DPH5: variants seen among roughly 807,000 people sequenced by gnomAD.
DPH5 encodes diphthamide biosynthesis 5, also known as diphthine methyl ester synthase.
Under a neutral mutation model 31.6 loss-of-function variants are expected in DPH5, and 31 were observed. The ratio of observed to expected loss-of-function variants is 0.98; its 90% CI spans 0.74 to 1.32. The LOEUF is 1.32. DPH5 is among the 40% of genes most tolerant of loss of function. DPH5 has a pLI of 0.00. For missense variants in DPH5, 309 were observed against 335.7 expected (o/e 0.92, Z 0.62); for synonymous variants, 120 against 115.0 (o/e 1.04, Z -0.28).
chr1:100,993,884 G>A (rs1409893316), intron 6 of DPH5, among the ~76,000 whole-genome samples: 1 of 151,538 alleles, frequency 6.6e-6, no homozygotes, highest in Admixed American at 6.6e-5. Flanking sequence ...GGGATTACAG[G>A]TGCCTGCCAC....
chr1:100,993,324 G>A (rs1415692455), intron 6 of DPH5, among the ~76,000 whole-genome samples: 1 of 151,518 alleles, frequency 6.6e-6, no homozygotes, highest in African/African-American at 2.4e-5. Context: ...AGGCAGAGGC[G>A]GGTGGATCAC....
intron 2 of DPH5, among the ~76,000 whole-genome samples, chr1:101,023,762 G>A (rs1274917634): frequency 6.6e-6 from 1 of 152,120 alleles, no homozygotes; most frequent in African/African-American, 2.4e-5. Context: ...GAACAGTTTT[G>A]TGCCATATAC....
At chr1:101,024,817 G>A (rs1570716815) in intron 2 of DPH5, among the ~76,000 whole-genome samples, 1 of 152,304 alleles carries the variant, frequency 6.6e-6, no homozygotes, top group South Asian at 2.1e-4. Flanking sequence ...AAGTGTATCA[G>A]TATAAGCCTT....
chr1:101,024,175 G>A (rs1333329466), intron 2 of DPH5, among the ~76,000 whole-genome samples: 3 of 152,190 alleles, frequency 2.0e-5, no homozygotes, highest in Admixed American at 1.3e-4. Context: ...TTAGGAGGCC[G>A]AGGTGGGCAG....
chr1:100,991,170 G>A (rs1657659071), intron 7 of DPH5, among the ~76,000 whole-genome samples: 1 of 152,190 alleles, frequency 6.6e-6, no homozygotes, highest in African/African-American at 2.4e-5. Flanking sequence ...GTAGATATGA[G>A]ACTAGTAGAC....
Position 100,992,695 on chromosome 1 carries a change from T to G in DPH5, c.576A>C (p.Gln192His). The G allele has an allele frequency of 6.2e-7, 1 of 1,613,990 alleles. No homozygotes were observed. Among genetic ancestry groups the G allele is most frequent in the Admixed American group, 1.7e-5 (1 of 60,022 alleles). Residue 192 changes from glutamine (Q) to histidine (H), a missense_variant, in exon 7 of 8, where the codon CAA (glutamine) becomes CAC (histidine). Physicochemically the swap from Gln to His is conservative, Grantham distance 24. Coordinates refer to ENST00000370109, the MANE Select transcript of DPH5 (RefSeq NM_015958.3). ...YEPPRYMSVN[Q>H]AAQQLLEIVQ... The stretch of plus-strand genomic sequence containing the variant: ...CAATCTCCAGAAGCTGCTGGGCTGC[T>G]TGGTTTACACTCATATACCGTGGAG...
chr1:101,013,506 T>G (rs901570902), intron 4 of DPH5: 8 of 403,736 alleles, frequency 2.0e-5, no homozygotes, highest in African/African-American at 6.1e-5. Context: ...TAGCTAAATC[T>G]AAACATTCGA....
intron 5 of DPH5, among the ~76,000 whole-genome samples, chr1:101,000,139 T>C (rs1658742549): frequency 6.6e-6 from 1 of 152,006 alleles, no homozygotes. Context: ...AGATTGAGAC[T>C]CTGTCTTGAA....
intron 6 of DPH5, among the ~76,000 whole-genome samples, chr1:100,994,540 CTTTT>C (rs869229716): frequency 2.1e-5 from 3 of 142,518 alleles, no homozygotes; most frequent in African/African-American, 5.1e-5. Context: ...AAACCCATGC[CTTTT>C]TTTTTTTTTT....
chr1:101,001,647 G>C, intron 4 of DPH5, 60 bp from the exon 5 acceptor site: 2 of 1,301,864 alleles, frequency 1.5e-6, no homozygotes, highest in South Asian at 2.8e-5. Context: ...TAGATAAGGA[G>C]AGAATTTAAT....
Position 100,990,060 on chromosome 1 carries a change from G to A in DPH5, c.*348C>T, listed in dbSNP as rs1657527566. ...CTGCTATGAAGAAATACCCGAGACT[G>A]GGTAATTATAAAAGAGGTTTAATTT... On this transcript the variant is annotated 3_prime_UTR_variant, in exon 8 of 8. Coordinates refer to ENST00000370109, the MANE Select transcript of DPH5 (RefSeq NM_015958.3). 7.4e-6 allele frequency: 2 copies of A among 271,106 alleles called. No homozygotes were observed. The highest frequency in any genetic ancestry group is 9.9e-5 in the Admixed American group (2 of 20,140). The allele number at this position is 271,106 out of a possible 1,614,324, so 16.8% of individuals were successfully genotyped here. A position where few individuals can be genotyped will look rare whatever the true frequency, so the allele number is the denominator to read the frequency against.
Position 101,001,550 on chromosome 1 carries a change from C to CA in DPH5, c.406dup (p.Trp136LeufsTer12). 1 of 1,602,566 alleles carries CA rather than the reference C, an allele frequency of 6.2e-7. No individual in the cohort carries two copies. Among genetic ancestry groups the CA allele is most frequent in the Non-Finnish European group, 8.5e-7 (1 of 1,171,234 alleles). On this transcript the variant is annotated frameshift_variant, in exon 5 of 8. Transcript: ENST00000370109. LOFTEE classifies it high-confidence loss of function. The stretch of plus-strand genomic sequence containing the variant: ...GCTTTCTGGTCTCCAAGTGTCTGTC[C>CA]AAAAAACAATAGAAACTGTCTCTCC...
chr1:100,997,648 A>G (rs905856364), intron 5 of DPH5, among the ~76,000 whole-genome samples: 1 of 152,164 alleles, frequency 6.6e-6, no homozygotes, highest in Non-Finnish European at 1.5e-5. Context: ...TACAGGCGTG[A>G]GCCACCGCAC....
chr1:101,018,531 C>T (rs762306808), intron 3 of DPH5, among the ~76,000 whole-genome samples: 39 of 152,274 alleles, frequency 2.6e-4, no homozygotes, highest in Admixed American at 9.8e-4. Context: ...TGAGCCACTG[C>T]GCCGGCTGGT....
intron 4 of DPH5, among the ~76,000 whole-genome samples, chr1:101,003,909 A>G (rs1021486631): frequency 6.6e-6 from 1 of 152,194 alleles, no homozygotes; most frequent in Non-Finnish European, 1.5e-5. Flanking sequence ...CTTCAAGGTA[A>G]AACTGTTAAA....
At chr1:101,008,586 T>C (rs1659407373) in intron 4 of DPH5, among the ~76,000 whole-genome samples, 1 of 152,238 alleles carries the variant, frequency 6.6e-6, no homozygotes, top group Non-Finnish European at 1.5e-5. Context: ...AGATATATTC[T>C]AAGCCTCGTG....
chr1:101,016,824 C>CT (rs1660116150), intron 3 of DPH5, among the ~76,000 whole-genome samples: 1 of 152,144 alleles, frequency 6.6e-6, no homozygotes, highest in South Asian at 2.1e-4. Context: ...CACTTAAACA[C>CT]TTTGAGGCCA....
chr1:101,019,679 T>G (rs1660317519), intron 3 of DPH5, among the ~76,000 whole-genome samples: 1 of 152,170 alleles, frequency 6.6e-6, no homozygotes, highest in African/African-American at 2.4e-5. Flanking sequence ...ACATTCCCCA[T>G]CATGCCATTT....
chr1:101,002,753 G>A (rs917312777), intron 4 of DPH5, among the ~76,000 whole-genome samples: 5 of 152,072 alleles, frequency 3.3e-5, no homozygotes, highest in Non-Finnish European at 5.9e-5. Flanking sequence ...GCAGAACCTG[G>A]TCTGGAGCAA....
Sources: allele counts gnomAD v4.1 joint callset (sites outside exome capture counted in the v4.1 genomes callset), GRCh38; gene constraint gnomAD v4.1.1; transcripts MANE v1.5; gene names NCBI Gene and HGNC (gene_info 2026-07-23, HGNC 2026-07-21).